The following IKZF2 variants were observed in gnomAD, a reference collection of about 807,000 sequenced individuals.
IKZF2 encodes the protein IKAROS family zinc finger 2, also known as zinc finger protein Helios.
Under a neutral mutation model 49.2 loss-of-function variants are expected in IKZF2, and 15 were observed. That is an observed-to-expected ratio of 0.30 (90% confidence interval 0.20 to 0.47). IKZF2 has a LOEUF of 0.47. Among genes scored for constraint, IKZF2 ranks in the 20% least tolerant of loss-of-function variants. The pLI is 1.00. For synonymous variants in IKZF2, 227 were observed against 221.4 expected, an observed-to-expected ratio of 1.03 and a Z score of -0.23; for missense variants, 567 against 664.6, an observed-to-expected ratio of 0.85 and a Z score of 1.61.
intron 7 of IKZF2, chr2:213,014,910 T>G (rs1696400918): frequency 6.6e-6 from 1 of 152,064 alleles, no homozygotes; most frequent in Admixed American, 6.6e-5. Flanking sequence ...CCAGTACTGT[T>G]TGGAAACCTA....
intron 6 of IKZF2, among the ~76,000 whole-genome samples, chr2:213,044,594 T>C (rs1442901326): frequency 6.6e-6 from 1 of 152,146 alleles, no homozygotes; most frequent in Non-Finnish European, 1.5e-5. Context: ...TTGGGAGCCA[T>C]GGCATTACTT....
At chr2:213,126,298 CTTATG>C (rs1473140382) in intron 4 of IKZF2, among the ~76,000 whole-genome samples, 3 of 152,120 alleles carry the variant, frequency 2.0e-5, no homozygotes, top group Non-Finnish European at 4.4e-5. Flanking sequence ...TCTTCACACC[CTTATG>C]TTATGTGTGT....
At chr2:213,129,928 G>T (rs1574949173) in intron 4 of IKZF2, among the ~76,000 whole-genome samples, 1 of 152,158 alleles carries the variant, frequency 6.6e-6, no homozygotes, top group African/African-American at 2.4e-5. Flanking sequence ...ATGCAGAGTT[G>T]AAAGTCATGA....
intron 6 of IKZF2, among the ~76,000 whole-genome samples, chr2:213,037,474 G>A (rs1217060096): frequency 6.6e-6 from 1 of 152,172 alleles, no homozygotes; most frequent in Non-Finnish European, 1.5e-5. Flanking sequence ...TTATTGGTCT[G>A]GGGTAGGGGG....
chr2:213,107,828 A>G (rs1202149216), intron 4 of IKZF2, among the ~76,000 whole-genome samples: 1 of 152,208 alleles, frequency 6.6e-6, no homozygotes, highest in East Asian at 1.9e-4. Context: ...ACGACAGAAC[A>G]CAATGCATGC....
intron 4 of IKZF2, among the ~76,000 whole-genome samples, chr2:213,134,847 C>T (rs556675763): frequency 1.3e-5 from 2 of 152,142 alleles, no homozygotes; most frequent in East Asian, 1.9e-4. Context: ...GAGGAAAAGA[C>T]GCTATTTTTC....
intron 4 of IKZF2, among the ~76,000 whole-genome samples, chr2:213,069,281 T>C (rs1455675788): frequency 6.6e-6 from 1 of 152,172 alleles, no homozygotes; most frequent in Non-Finnish European, 1.5e-5. Flanking sequence ...TTTGTACTCT[T>C]TGTTACTGAA....
Position 213,147,569 on chromosome 2 carries a change from T to A in IKZF2, c.139+139A>T, listed in dbSNP as rs6724534. Reference sequence around the variant, plus strand: ...TAATACTAGAATGAACAGGAATAAATCTGTGTTGTTCTTTCTTTAGCAAAA... The same window carrying A: ...TAATACTAGAATGAACAGGAATAAAACTGTGTTGTTCTTTCTTTAGCAAAA... On this transcript the variant is annotated intron_variant, in intron 4 of 8. Coordinates refer to ENST00000434687, the MANE Select transcript of IKZF2 (RefSeq NM_001387220.1). 6,999 of 759,810 alleles carry A rather than the reference T, an allele frequency of 9.2e-3. 352 individuals carry two copies. The African/African-American group carries it at 0.1, about 11-fold the overall frequency. The allele number at this position is 759,810 out of a possible 1,614,324, so 47.1% of individuals were successfully genotyped here.
At chr2:213,071,872 G>A (rs1402654257) in intron 4 of IKZF2, among the ~76,000 whole-genome samples, 1 of 151,674 alleles carries the variant, frequency 6.6e-6, no homozygotes, top group Non-Finnish European at 1.5e-5. Context: ...TATGAACTTA[G>A]CCCTACAATG....
intron 6 of IKZF2, among the ~76,000 whole-genome samples, chr2:213,043,803 T>G (rs12624170): frequency 1.3e-5 from 2 of 151,994 alleles, no homozygotes; most frequent in African/African-American, 4.8e-5. Flanking sequence ...GCTTGCTCAC[T>G]GCTGCTCACC....
chr2:213,100,009 T>C (rs1035905265), intron 4 of IKZF2, among the ~76,000 whole-genome samples: 4 of 152,134 alleles, frequency 2.6e-5, no homozygotes, highest in Non-Finnish European at 5.9e-5. Flanking sequence ...AAGTTACTAA[T>C]ATAAGTGGGT....
At chr2:213,141,839 T>A (rs908002789) in intron 4 of IKZF2, among the ~76,000 whole-genome samples, 6 of 151,972 alleles carry the variant, frequency 3.9e-5, no homozygotes, top group African/African-American at 1.2e-4. Context: ...ATATGAGGTA[T>A]CCCACAAATA....
intron 4 of IKZF2, among the ~76,000 whole-genome samples, chr2:213,139,238 GA>G (rs889373221): frequency 1.5e-4 from 23 of 149,516 alleles, no homozygotes; most frequent in African/African-American, 2.4e-4. Flanking sequence ...AAGCCAAGGG[GA>G]AAAAAAAATG....
At chr2:213,116,053 G>T (rs2059859987) in intron 4 of IKZF2, among the ~76,000 whole-genome samples, 1 of 152,136 alleles carries the variant, frequency 6.6e-6, no homozygotes, top group South Asian at 2.1e-4. Context: ...AGGGATAACA[G>T]ATTATACTTT....
chr2:213,056,042 T>C (rs895936703), intron 5 of IKZF2, among the ~76,000 whole-genome samples: 2 of 152,106 alleles, frequency 1.3e-5, no homozygotes, highest in Admixed American at 1.3e-4. Context: ...TCCTCCTAGC[T>C]TACCACTTAC....
chr2:213,145,442 A>T (rs1328375572), intron 4 of IKZF2, among the ~76,000 whole-genome samples: 1 of 152,052 alleles, frequency 6.6e-6, no homozygotes, highest in African/African-American at 2.4e-5. Context: ...AATGCATGTA[A>T]AGGGATTTAG....
At chr2:213,106,047 C>A (rs968907586) in intron 4 of IKZF2, among the ~76,000 whole-genome samples, 25 of 151,996 alleles carry the variant, frequency 1.6e-4, no homozygotes, top group African/African-American at 5.6e-4. Flanking sequence ...AATATAGTAA[C>A]AAAATTAAGT....
intron 4 of IKZF2, among the ~76,000 whole-genome samples, chr2:213,133,029 A>G (rs2060523531): frequency 6.6e-6 from 1 of 152,236 alleles, no homozygotes; most frequent in African/African-American, 2.4e-5. Flanking sequence ...GTTATGTTCC[A>G]TGCAATGCTT....
At chr2:213,142,227 C>A (rs1469090052) in intron 4 of IKZF2, among the ~76,000 whole-genome samples, 1 of 151,746 alleles carries the variant, frequency 6.6e-6, no homozygotes, top group African/African-American at 2.4e-5. Flanking sequence ...TGAGCGCCAC[C>A]CCCCTCCCCA....
Sources: allele counts gnomAD v4.1 joint callset (sites outside exome capture counted in the v4.1 genomes callset), GRCh38; gene constraint gnomAD v4.1.1; transcripts MANE v1.5; gene names NCBI Gene and HGNC (gene_info 2026-07-23, HGNC 2026-07-21).